RAB11FIP1: variants seen among roughly 807,000 people sequenced by gnomAD.
RAB11FIP1 encodes rab11 family-interacting protein 1.
RAB11FIP1 carries 49 observed loss-of-function variants against 83.1 expected under a neutral mutation model. The observed-to-expected ratio is 0.59, with a 90% CI of 0.47 to 0.75. RAB11FIP1 has a LOEUF of 0.75. Among genes scored for constraint, RAB11FIP1 ranks in the 30% least tolerant of loss-of-function variants. RAB11FIP1 has a pLI of 0.00. For synonymous variants in RAB11FIP1, 670 were observed against 656.0 expected, an observed-to-expected ratio of 1.02 and a Z score of -0.33; for missense variants, 1,536 against 1,598.7, an observed-to-expected ratio of 0.96 and a Z score of 0.67.
intron 1 of RAB11FIP1, among the ~76,000 whole-genome samples, chr8:37,887,840 C>T (rs546505599): frequency 8.0e-4 from 122 of 152,306 alleles, no homozygotes; most frequent in Non-Finnish European, 1.3e-3. Flanking sequence ...CTTTGTAGTG[C>T]ATTATACATT....
At position 37,899,419 on chromosome 8, in the gene RAB11FIP1, C is replaced by A; in HGVS notation, c.23G>T (p.Gly8Val). Reference sequence around the variant, plus strand: ...GGACCACACGGCCCCCAGGCCCCGGCCAGCCGAGACCATTAGGGACATGGT... The same window carrying A: ...GGACCACACGGCCCCCAGGCCCCGGACAGCCGAGACCATTAGGGACATGGT... MSLMVSA[G>V]RGLGAVWSPT... Residue 8 changes from glycine to valine, a missense_variant, in exon 1 of 6, where the codon GGC becomes GTC. By Grantham distance (109) the Gly-to-Val change is moderately radical (BLOSUM62 -3). Transcript: ENST00000330843. This position sits in a 1 kb window ranked among gnomAD's most constrained non-coding sequence, Gnocchi z 4.5. 2 of 1,578,288 alleles carry A rather than the reference C, an allele frequency of 1.3e-6. No homozygotes were observed. Among genetic ancestry groups the A allele is most frequent in the Non-Finnish European group, 8.6e-7 (1 of 1,165,048 alleles).
rs750959164 is a variant in RAB11FIP1, at chr8:37,871,479, T to C, written c.3323A>G (p.His1108Arg). The C allele has an allele frequency of 2.5e-6, 4 of 1,613,260 alleles. No individual in the cohort carries two copies. The highest frequency in any genetic ancestry group is 2.7e-5 in the African/African-American group (2 of 74,686). The part of the protein sequence containing the change: ...PSPSEIFPVT[H>R]SFPSSAHSDT... Reference sequence around the variant, plus strand: ...AGAATGTGCAGAGCTGGGGAAAGAGTGTGTGACAGGAAAGATCTCAGAAGG... The same window carrying C: ...AGAATGTGCAGAGCTGGGGAAAGAGCGTGTGACAGGAAAGATCTCAGAAGG... Residue 1108 changes from histidine (H) to arginine (R), a missense_variant, in exon 4 of 6, where the codon CAC becomes CGC. Coordinates refer to ENST00000330843, the MANE Select transcript of RAB11FIP1 (RefSeq NM_001002814.3).
At chr8:37,896,108 G>A (rs968283846) in intron 1 of RAB11FIP1, among the ~76,000 whole-genome samples, 3 of 151,870 alleles carry the variant, frequency 2.0e-5, no homozygotes, top group African/African-American at 7.3e-5. Flanking sequence ...TCAGGAGTTC[G>A]AGACCAGCCT....
In RAB11FIP1 at chr8:37,870,290, A is replaced by G. The variant is rs1451722539; in HGVS notation, c.3633+130T>C. 1.1e-5 allele frequency: 6 copies of G among 527,430 alleles called. No homozygotes were observed. In the African/African-American group the frequency reaches 1.2e-4, roughly 10 times the overall value. The allele number at this position is 527,430 out of a possible 1,614,324, so 32.7% of individuals were successfully genotyped here. A position where few individuals can be genotyped will look rare whatever the true frequency, so the allele number is the denominator to read the frequency against. On this transcript the variant is annotated intron_variant, in intron 5 of 5. Transcript: ENST00000330843. ...GTCTGGGGGCTTCCAAAGTTTACTC[A>G]AAGACTCAAGATGTATGACTAAGTG...
At position 37,876,262 on chromosome 8, in the gene RAB11FIP1, G is replaced by GAAGGAAGA. The variant is rs1242621527; in HGVS notation, c.814+846_814+847insTCTTCCTT. Among the ~76,000 whole-genome samples the GAAGGAAGA allele has an allele frequency of 9.9e-3, 1,363 of 138,072 alleles. 27 individuals are homozygous for GAAGGAAGA. The highest frequency in any genetic ancestry group is 0.039 in the African/African-American group (1,292 of 33,138). 90.6% of individuals were successfully genotyped at this position (138,072 alleles called of 152,430 possible). A position where few individuals can be genotyped will look rare whatever the true frequency, so the allele number is the denominator to read the frequency against. On this transcript the variant is annotated intron_variant, in intron 2 of 5. Coordinates refer to ENST00000330843, the MANE Select transcript of RAB11FIP1 (RefSeq NM_001002814.3). The stretch of plus-strand genomic sequence containing the variant: ...GGAAGGAAGGAAGGAAGGAAGGAAG[G>GAAGGAAGA]AAGAAAGAAGGAAAGAAACCAGAGG...
intron 2 of RAB11FIP1, 57 bp from the exon 3 acceptor site, chr8:37,875,379 G>T: frequency 7.7e-7 from 1 of 1,305,134 alleles, no homozygotes; most frequent in Non-Finnish European, 1.1e-6. Flanking sequence ...GGTTTGCAGT[G>T]TAGGGGCATC....
At chr8:37,878,763 C>T (rs768849609) in intron 1 of RAB11FIP1, among the ~76,000 whole-genome samples, 37 of 149,784 alleles carry the variant, frequency 2.5e-4, no homozygotes, top group Non-Finnish European at 1.2e-4. Flanking sequence ...GATTTGGGAG[C>T]CTGAGGCAGG....
At chr8:37,896,034 GC>G (rs1330133462) in intron 1 of RAB11FIP1, among the ~76,000 whole-genome samples, 2 of 152,064 alleles carry the variant, frequency 1.3e-5, no homozygotes, top group Non-Finnish European at 2.9e-5. Context: ...CTTTCGCCTG[GC>G]ACGGTGGCTC....
In RAB11FIP1 at chr8:37,874,824, G is replaced by T; in HGVS notation, c.1313C>A (p.Ser438Tyr). 6.2e-7 allele frequency: 1 copy of T among 1,614,164 alleles called. No individual in the cohort carries two copies. Among genetic ancestry groups the T allele is most frequent in the Non-Finnish European group, 8.5e-7 (1 of 1,180,036 alleles). ...CACATCCTTCTTCCCCGTCATCAGA[G>T]ACAGCAAAGAGGACCTCCTGCTCTC... ...KPESRRSSLL[S>Y]LMTGKKDVAK... The change falls in exon 3 of 6, where the codon TCT (serine) becomes TAT (tyrosine). Residue 438 changes from serine to tyrosine, a missense_variant. Coordinates refer to ENST00000330843, the MANE Select transcript of RAB11FIP1 (RefSeq NM_001002814.3).
chr8:37,873,189 G>A lies in RAB11FIP1; in HGVS notation c.1623-10C>T. ...TGGAGACACTTCCAGTCTGCAAAAA[G>A]GACAAAATAAAATCTGCAGGTCAGT... On this transcript the variant is annotated splice_polypyrimidine_tract_variant and intron_variant, in intron 3 of 5. Transcript: ENST00000330843. 6.4e-7 allele frequency: 1 copy of A among 1,563,594 alleles called. No individual in the cohort carries two copies. Among genetic ancestry groups the A allele is most frequent in the South Asian group, 1.2e-5 (1 of 85,310 alleles).
At chr8:37,892,716 G>T (rs1358734638) in intron 1 of RAB11FIP1, among the ~76,000 whole-genome samples, 1 of 152,106 alleles carries the variant, frequency 6.6e-6, no homozygotes, top group African/African-American at 2.4e-5. Flanking sequence ...GGGATTATAG[G>T]TGTAAGCCAC....
At chr8:37,887,130 G>A (rs1806849074) in intron 1 of RAB11FIP1, among the ~76,000 whole-genome samples, 1 of 152,156 alleles carries the variant, frequency 6.6e-6, no homozygotes, top group African/African-American at 2.4e-5. Flanking sequence ...CGTAAATCAT[G>A]AGAGTGGCAA....
At chr8:37,898,121 TAAG>T (rs770716919) in intron 1 of RAB11FIP1, among the ~76,000 whole-genome samples, 13 of 152,208 alleles carry the variant, frequency 8.5e-5, no homozygotes, top group African/African-American at 1.4e-4. Flanking sequence ...ACCACCCTAG[TAAG>T]AAGAAGGCAC....
chr8:37,859,293 G>C lies in RAB11FIP1; in HGVS notation c.*3602C>G, dbSNP rs923461930. 2 of 152,182 alleles carry C rather than the reference G, an allele frequency of 1.3e-5. No homozygotes were observed. Among genetic ancestry groups the C allele is most frequent in the African/African-American group, 4.8e-5 (2 of 41,448 alleles). 9.4% of individuals were successfully genotyped at this position (152,182 alleles called of 1,614,324 possible). A position where few individuals can be genotyped will look rare whatever the true frequency, so the allele number is the denominator to read the frequency against. Reference sequence around the variant, plus strand: ...GGAGAAGGGTGGGAGGGAGGATGGTGCGTCATTTAACATTAAATTGCCTCT... The same window carrying C: ...GGAGAAGGGTGGGAGGGAGGATGGTCCGTCATTTAACATTAAATTGCCTCT... On this transcript the variant is annotated 3_prime_UTR_variant, in exon 6 of 6. Transcript: ENST00000330843.
chr8:37,882,185 A>T (rs1342184588), intron 1 of RAB11FIP1, among the ~76,000 whole-genome samples: 2 of 152,178 alleles, frequency 1.3e-5, no homozygotes, highest in Non-Finnish European at 2.9e-5. Context: ...CACAAATGTG[A>T]CAGGCCTCCA....
At chr8:37,874,491 T>G in intron 3 of RAB11FIP1, 24 bp downstream of exon 3, 7 of 1,601,414 alleles carry the variant, frequency 4.4e-6, no homozygotes, top group Non-Finnish European at 6.0e-6. Flanking sequence ...AGAAATGCCC[T>G]GCACGAGAAG....
At chr8:37,866,289 C>T (rs1210522094) in intron 5 of RAB11FIP1, among the ~76,000 whole-genome samples, 2 of 151,288 alleles carry the variant, frequency 1.3e-5, no homozygotes, top group Non-Finnish European at 2.9e-5. Context: ...GAGCCAAGAT[C>T]GTGCCACTGC....
At chr8:37,894,478 T>G (rs1807018118) in intron 1 of RAB11FIP1, among the ~76,000 whole-genome samples, 1 of 152,000 alleles carries the variant, frequency 6.6e-6, no homozygotes, top group Admixed American at 6.6e-5. Flanking sequence ...TCTTGAGTTT[T>G]AATAGATATA....
intron 1 of RAB11FIP1, among the ~76,000 whole-genome samples, chr8:37,880,321 C>CAA (rs1806708886): frequency 6.6e-6 from 1 of 152,056 alleles, no homozygotes; most frequent in African/African-American, 2.4e-5. Flanking sequence ...TTTTTTGAGA[C>CAA]AGAGTCTCGC....
Sources: gnomAD v4.1 joint callset for allele counts (sites outside exome capture counted in the v4.1 genomes callset) on GRCh38, gnomAD v4.1.1 for gene constraint, Gnocchi (gnomAD v3.1) non-coding constraint, MANE v1.5 for transcripts, NCBI Gene and HGNC (gene_info 2026-07-23, HGNC 2026-07-21) for gene names.